The following BARD1 variants were observed in gnomAD, a reference collection of about 807,000 sequenced individuals.
BARD1 encodes the protein BRCA1 associated RING domain 1.
In BARD1, 73 loss-of-function variants were observed where a neutral mutation model predicts 77.0. That is an observed-to-expected ratio of 0.95 (90% CI 0.79 to 1.15). The LOEUF (loss-of-function observed/expected upper bound fraction) is 1.15, where lower values mean the gene tolerates loss of function less well. Among genes scored for constraint, BARD1 ranks in the 50% most tolerant of loss-of-function variants. The probability of loss-of-function intolerance (pLI) is 0.00; values close to 1 mark genes in which losing one functional copy is unlikely to be tolerated. For synonymous variants in BARD1, 384 were observed against 338.0 expected (o/e 1.14, Z -1.49); for missense variants, 993 against 938.8 (o/e 1.06, Z -0.75).
rs536624463 is a variant in BARD1 at position 214,773,883 on chromosome 2, AG to A, written c.1315-4572del. ...CTGTTTGGTAGCATTTTATCTGCGT[AG>A]AACTTCTCCCAAGATTGGAGCCAAT... On this transcript the variant is annotated intron_variant, in intron 4 of 10. Transcript: ENST00000260947. 1.6e-3 allele frequency among the ~76,000 whole-genome samples: 242 copies of A among 152,334 alleles called. 2 individuals are homozygous for A. The highest frequency in any genetic ancestry group is 5.3e-3 in the African/African-American group (220 of 41,584).
rs565547510 is a variant in BARD1 at position 214,726,820 on chromosome 2, G to A, written c.*1856C>T. ...AAGATGAAACTGCTTAACAGTCAGG[G>A]AAAAACAACAAAAAGAAGGGAGGGG... On this transcript the variant is annotated 3_prime_UTR_variant, in exon 11 of 11. Transcript: ENST00000260947. 5.3e-5 allele frequency: 12 copies of A among 228,022 alleles called. No homozygotes were observed. Among genetic ancestry groups the A allele is most frequent in the African/African-American group, 2.7e-4 (12 of 45,198 alleles). 14.1% of individuals were successfully genotyped at this position (228,022 alleles called of 1,614,324 possible).
At position 214,780,306 on chromosome 2, in the gene BARD1, T is replaced by C. The variant is rs3768709; in HGVS notation, c.1314+254A>G. Among the ~76,000 whole-genome samples the C allele has an allele frequency of 0.1, 15,646 of 152,154 alleles. 1,167 individuals carry two copies. Among genetic ancestry groups the C allele is most frequent in the East Asian group, 0.42 (2,160 of 5,158 alleles). ...GTAAAATAGACAAAAGCAAAAGCAC[T>C]TGGCAAAATAAAAGCCGAAATATTC... On this transcript the variant is annotated intron_variant, in intron 4 of 10. Coordinates refer to ENST00000260947, the MANE Select transcript of BARD1 (RefSeq NM_000465.4).
Position 214,809,382 on chromosome 2 carries a change from G to A in BARD1, c.158+30C>T, listed in dbSNP as rs755827386. On this transcript the variant is annotated intron_variant, in intron 1 of 10. Coordinates refer to ENST00000260947, the MANE Select transcript of BARD1 (RefSeq NM_000465.4). ...CAGAAACTGTGCGACCCGTGCCCTC[G>A]CAGCCACCCCCAAGAAGCTCCGTCT... 10 of 1,611,234 alleles carry A rather than the reference G, an allele frequency of 6.2e-6. No individual in the cohort carries two copies. The Admixed American group carries it at 1.0e-4, about 16-fold the overall frequency.
intron 6 of BARD1, among the ~76,000 whole-genome samples, chr2:214,756,171 G>A (rs1229699151): frequency 6.6e-6 from 1 of 152,092 alleles, no homozygotes; most frequent in Non-Finnish European, 1.5e-5. Flanking sequence ...TCATGGGGGC[G>A]GATTTCCTCC....
intron 9 of BARD1, among the ~76,000 whole-genome samples, chr2:214,733,362 T>C (rs1182883592): frequency 1.3e-5 from 2 of 152,250 alleles, no homozygotes; most frequent in Admixed American, 1.3e-4. Context: ...ATATACGCTT[T>C]ATACAGATAA....
Position 214,736,801 on chromosome 2 carries a change from T to C in BARD1, c.1904-6293A>G, listed in dbSNP as rs143755686. Among the ~76,000 whole-genome samples, 478 of 152,218 alleles carry C rather than the reference T, an allele frequency of 3.1e-3. 1 individual carries two copies. The highest frequency in any genetic ancestry group is 0.011 in the African/African-American group (448 of 41,562). ...AAGTCTTAATTCATTAAATATTCTG[T>C]TTCATGGGAGTTATGTAGTAAGTTT... is the stretch of plus-strand genomic sequence containing the variant. On this transcript the variant is annotated intron_variant, in intron 9 of 10. Transcript: ENST00000260947.
intron 6 of BARD1, among the ~76,000 whole-genome samples, chr2:214,763,338 CAG>C: frequency 6.6e-6 from 1 of 152,164 alleles, no homozygotes; most frequent in Non-Finnish European, 1.5e-5. Flanking sequence ...ATTCTATAAT[CAG>C]TGCTTTAACA....
At chr2:214,772,475 A>C (rs193006389) in intron 4 of BARD1, among the ~76,000 whole-genome samples, 5 of 152,308 alleles carry the variant, frequency 3.3e-5, no homozygotes, top group Admixed American at 6.5e-5. Context: ...AAAGAAGCTT[A>C]AAAAATAATA....
intron 6 of BARD1, among the ~76,000 whole-genome samples, chr2:214,753,350 T>G (rs1693546254): frequency 6.6e-6 from 1 of 152,214 alleles, no homozygotes; most frequent in African/African-American, 2.4e-5. Flanking sequence ...TACTATTCTG[T>G]TTCCTTACAT....
chr2:214,783,310 T>A (rs1695125965), intron 3 of BARD1, among the ~76,000 whole-genome samples: 1 of 152,150 alleles, frequency 6.6e-6, no homozygotes, highest in South Asian at 2.1e-4. Context: ...ATACCTCACT[T>A]ACAGAGACCA....
intron 3 of BARD1, among the ~76,000 whole-genome samples, chr2:214,787,838 A>C (rs1695340663): frequency 6.6e-6 from 1 of 152,010 alleles, no homozygotes; most frequent in South Asian, 2.1e-4. Flanking sequence ...ATAATCATGT[A>C]CACTGTGTGC....
At chr2:214,738,749 T>A (rs1021801930) in intron 9 of BARD1, among the ~76,000 whole-genome samples, 5 of 152,272 alleles carry the variant, frequency 3.3e-5, no homozygotes, top group Non-Finnish European at 7.4e-5. Flanking sequence ...GGAGATCTGT[T>A]AAATGTCCAA....
chr2:214,749,123 G>A (rs1001699982), intron 7 of BARD1, among the ~76,000 whole-genome samples: 24 of 151,874 alleles, frequency 1.6e-4, no homozygotes, highest in Non-Finnish European at 1.8e-4. Flanking sequence ...CTGCTAAGAC[G>A]ATGCTAGAGC....
At chr2:214,808,435 T>G (rs1696380145) in intron 1 of BARD1, among the ~76,000 whole-genome samples, 1 of 152,210 alleles carries the variant, frequency 6.6e-6, no homozygotes, top group Non-Finnish European at 1.5e-5. Context: ...GAAAAAGTTG[T>G]GTTACTTATA....
chr2:214,769,769 T>C (rs1694390315), intron 4 of BARD1, among the ~76,000 whole-genome samples: 1 of 152,056 alleles, frequency 6.6e-6, no homozygotes, highest in Non-Finnish European at 1.5e-5. Context: ...AGAAATTGTC[T>C]GCGTATAAAT....
chr2:214,751,127 A>ATATATG (rs1693406409), intron 7 of BARD1, among the ~76,000 whole-genome samples: 1 of 11,366 alleles, frequency 8.8e-5, no homozygotes, highest in African/African-American at 2.4e-4. Flanking sequence ...GTATATATAT[A>ATATATG]TATATATATA....
chr2:214,731,685 A>G (rs1220998390), intron 9 of BARD1, among the ~76,000 whole-genome samples: 1 of 152,138 alleles, frequency 6.6e-6, no homozygotes, highest in Non-Finnish European at 1.5e-5. Flanking sequence ...ACAATTTCCT[A>G]TTTGTCTTTG....
chr2:214,782,600 GA>G, intron 3 of BARD1, among the ~76,000 whole-genome samples: 1 of 151,832 alleles, frequency 6.6e-6, no homozygotes, highest in Non-Finnish European at 1.5e-5. Context: ...TTTTTAAAAA[GA>G]AAAAAAATTG....
At chr2:214,784,939 T>C (rs1174258358) in intron 3 of BARD1, among the ~76,000 whole-genome samples, 1 of 151,696 alleles carries the variant, frequency 6.6e-6, no homozygotes, top group Non-Finnish European at 1.5e-5. Context: ...GACAGGTTGA[T>C]GGGTGCAGCA....
Sources: gnomAD v4.1 joint callset for allele counts (sites outside exome capture counted in the v4.1 genomes callset) on GRCh38, gnomAD v4.1.1 for gene constraint, MANE v1.5 for transcripts, NCBI Gene and HGNC (gene_info 2026-07-23, HGNC 2026-07-21) for gene names.